The following CPNE5 variants were observed in gnomAD, a reference collection of about 807,000 sequenced individuals.
The protein encoded by CPNE5 is copine 5, also known as copine-5.
Under a neutral mutation model 81.1 loss-of-function variants are expected in CPNE5, and 42 were observed. The ratio of observed to expected loss-of-function variants is 0.52; its 90% CI spans 0.40 to 0.67. The LOEUF (loss-of-function observed/expected upper bound fraction) is 0.67, where lower values mean the gene tolerates loss of function less well. CPNE5 is among the 30% of genes least tolerant of loss of function. The probability of loss-of-function intolerance (pLI) is 0.00; values close to 1 mark genes in which losing one functional copy is unlikely to be tolerated. For missense variants in CPNE5, 612 were observed against 815.5 expected, an observed-to-expected ratio of 0.75 and a Z score of 3.04; for synonymous variants, 313 against 321.5, an observed-to-expected ratio of 0.97 and a Z score of 0.28.
At chr6:36,770,928 C>T (rs1766985538) in intron 10 of CPNE5, among the ~76,000 whole-genome samples, 2 of 152,118 alleles carry the variant, frequency 1.3e-5, no homozygotes, top group African/African-American at 4.8e-5. Flanking sequence ...GAGTAAGAAT[C>T]TGGCTGCCGA....
intron 20 of CPNE5, among the ~76,000 whole-genome samples, chr6:36,743,441 C>G (rs1404525559): frequency 1.3e-5 from 2 of 152,232 alleles, no homozygotes; most frequent in Admixed American, 6.5e-5. Context: ...GCAGAGGGTT[C>G]TGGCCTCTGG....
intron 2 of CPNE5, among the ~76,000 whole-genome samples, chr6:36,822,432 C>A (rs1274246357): frequency 6.6e-6 from 1 of 152,108 alleles, no homozygotes; most frequent in Non-Finnish European, 1.5e-5. Context: ...AGAAGGGAGA[C>A]TAGGTGTGCC....
chr6:36,822,997 C>A, intron 2 of CPNE5, 61 bp downstream of exon 2: 1 of 1,407,546 alleles, frequency 7.1e-7, no homozygotes, highest in Non-Finnish European at 9.6e-7. Context: ...AGCATTGCCG[C>A]TGTAATTAGT....
chr6:36,806,134 C>A (rs1770570103), intron 3 of CPNE5, among the ~76,000 whole-genome samples: 1 of 152,150 alleles, frequency 6.6e-6, no homozygotes, highest in Non-Finnish European at 1.5e-5. Flanking sequence ...GGGTGCCCAG[C>A]CTGTAGGGGG....
intron 12 of CPNE5, among the ~76,000 whole-genome samples, chr6:36,759,491 C>T (rs574793158): frequency 9.3e-4 from 141 of 152,128 alleles, no homozygotes; most frequent in African/African-American, 3.2e-3. Flanking sequence ...CTCCTAGGGG[C>T]CAGGAGCTGT....
In CPNE5 at chr6:36,800,072, T is replaced by G. The variant is rs563762990; in HGVS notation, c.184-2A>C. ...GTCGATGACTTCGGTGCGCCCAAAC[T>G]GCAAGAGAAGATGGAGGGTGAACCT... On this transcript the variant is annotated splice_acceptor_variant, in intron 3 of 20. Transcript: ENST00000244751. LOFTEE classifies it high-confidence loss of function. The G allele has an allele frequency of 1.2e-6, 2 of 1,610,002 alleles. No individual in the cohort carries two copies. The highest frequency in any genetic ancestry group is 1.3e-5 in the African/African-American group (1 of 74,966).
chr6:36,838,542 A>G (rs1773735104), intron 1 of CPNE5, among the ~76,000 whole-genome samples: 1 of 152,264 alleles, frequency 6.6e-6, no homozygotes, highest in African/African-American at 2.4e-5. Context: ...ACATGAGTGA[A>G]GATTTGGGCG....
rs551924858 is a variant in CPNE5, at chr6:36,832,909, G to A, written c.95+6374C>T. Among the ~76,000 whole-genome samples, 100 of 152,270 alleles carry A rather than the reference G, an allele frequency of 6.6e-4. 2 individuals carry two copies. The East Asian group carries it at 8.9e-3, about 14-fold the overall frequency. On this transcript the variant is annotated intron_variant, in intron 1 of 20. Transcript: ENST00000244751. ...AAAGGAGGGATGGTAAACTACTACC[G>A]TGCGGTCTGGATGGCATCGAAGGCT... is the stretch of plus-strand genomic sequence containing the variant.
At chr6:36,756,107 C>CCCCCCCCCCG in intron 13 of CPNE5, 138 bp downstream of exon 13, 1 of 426,614 alleles carries the variant, frequency 2.3e-6, no homozygotes, top group Non-Finnish European at 4.5e-6. Context: ...CACCCCTCCC[C>CCCCCCCCCCG]ACCCCATCTC....
intron 3 of CPNE5, among the ~76,000 whole-genome samples, chr6:36,820,664 G>T (rs373847860): frequency 6.6e-6 from 1 of 152,008 alleles, no homozygotes; most frequent in Non-Finnish European, 1.5e-5. Context: ...AAGTAGCCTG[G>T]CAGGGTGGCA....
At chr6:36,806,204 G>C (rs914537930) in intron 3 of CPNE5, among the ~76,000 whole-genome samples, 5 of 152,160 alleles carry the variant, frequency 3.3e-5, no homozygotes, top group African/African-American at 1.2e-4. Flanking sequence ...TCGGGCTGCT[G>C]CCTGCTGCCC....
chr6:36,774,366 G>A (rs1243536974), intron 10 of CPNE5, among the ~76,000 whole-genome samples: 3 of 152,182 alleles, frequency 2.0e-5, no homozygotes, highest in African/African-American at 7.2e-5. Flanking sequence ...TCCAGCCTGG[G>A]TGACTGAGCG....
chr6:36,747,376 A>T (rs570719294), intron 15 of CPNE5, among the ~76,000 whole-genome samples: 2 of 152,226 alleles, frequency 1.3e-5, no homozygotes, highest in East Asian at 3.9e-4. Context: ...TAGTTATGTG[A>T]TCTTGGGTAA....
rs1243067487 is a variant in CPNE5 at position 36,746,599 on chromosome 6, C to T, written c.1019-22G>A. 3 of 1,599,942 alleles carry T rather than the reference C, an allele frequency of 1.9e-6. No individual in the cohort carries two copies. The highest frequency in any genetic ancestry group is 1.1e-5 in the South Asian group (1 of 88,946). ...TTCCCTGTAACACAGGACATGGGAGCCTTTGACCATCTGGACCCTCCAAGT... is the reference window on the plus strand; with the variant it reads ...TTCCCTGTAACACAGGACATGGGAGTCTTTGACCATCTGGACCCTCCAAGT... On this transcript the variant is annotated intron_variant, in intron 15 of 20. Coordinates refer to ENST00000244751, the MANE Select transcript of CPNE5 (RefSeq NM_020939.2). This position sits in a 1 kb window ranked among gnomAD's most constrained non-coding sequence, Gnocchi z 4.5.
chr6:36,774,108 G>T (rs1048075501), intron 10 of CPNE5, among the ~76,000 whole-genome samples: 1 of 151,146 alleles, frequency 6.6e-6, no homozygotes. Flanking sequence ...AATCTGCCAG[G>T]CATGGTGGTT....
At position 36,828,212 on chromosome 6, in the gene CPNE5, C is replaced by T. The variant is rs1424098672; in HGVS notation, c.96-5114G>A. 5.4e-5 allele frequency among the ~76,000 whole-genome samples: 8 copies of T among 147,822 alleles called. No homozygotes were observed. The South Asian group carries it at 8.7e-4, about 16-fold the overall frequency. Reference sequence around the variant, plus strand: ...CTGGGCACATGTAGTCTTAGCTACTCGGGACTCCAAGGAGGGAGGATCACT... The same window carrying T: ...CTGGGCACATGTAGTCTTAGCTACTTGGGACTCCAAGGAGGGAGGATCACT... On this transcript the variant is annotated intron_variant, in intron 1 of 20. Coordinates refer to ENST00000244751, the MANE Select transcript of CPNE5 (RefSeq NM_020939.2).
intron 1 of CPNE5, among the ~76,000 whole-genome samples, chr6:36,825,082 T>C (rs1175958739): frequency 6.6e-6 from 1 of 152,036 alleles, no homozygotes; most frequent in South Asian, 2.1e-4. Flanking sequence ...CAAGCAGTGG[T>C]AGAGACAGAA....
intron 8 of CPNE5, among the ~76,000 whole-genome samples, chr6:36,780,153 T>C (rs528745617): frequency 2.4e-3 from 370 of 152,116 alleles, no homozygotes; most frequent in African/African-American, 8.4e-3. Context: ...TTAGTAGAGA[T>C]GGGGTTTCAC....
At position 36,745,428 on chromosome 6, in the gene CPNE5, C is replaced by A. The variant is rs1022343458; in HGVS notation, c.1288G>T (p.Gly430Cys). The A allele has an allele frequency of 1.2e-6, 2 of 1,607,006 alleles. No individual in the cohort carries two copies. The highest frequency in any genetic ancestry group is 1.7e-6 in the Non-Finnish European group (2 of 1,177,458). The change falls in exon 17 of 21, where the codon GGC (glycine) becomes TGC (cysteine). Residue 430 changes from glycine to cysteine, a missense_variant. Coordinates refer to ENST00000244751, the MANE Select transcript of CPNE5 (RefSeq NM_020939.2). ...ACCACGGGGGCAAAGTTGGTGGGGC[C>A]GTACAGCTGCACAGTGCGCAGGCTG... The part of the protein sequence containing the change: ...HRSLRTVQLY[G>C]PTNFAPVVTH...
Sources: allele counts gnomAD v4.1 joint callset (sites outside exome capture counted in the v4.1 genomes callset), GRCh38; gene constraint gnomAD v4.1.1; non-coding constraint Gnocchi (gnomAD v3.1); transcripts MANE v1.5; gene names NCBI Gene and HGNC (gene_info 2026-07-23, HGNC 2026-07-21).